GFRA2: variants seen among roughly 807,000 people sequenced by gnomAD.
GFRA2 encodes the protein GDNF family receptor alpha-2.
In GFRA2, 17 loss-of-function variants were observed where a neutral mutation model predicts 48.3. The ratio of observed to expected loss-of-function variants is 0.35; its 90% CI spans 0.24 to 0.53. The LOEUF (loss-of-function observed/expected upper bound fraction) is 0.53, where lower values mean the gene tolerates loss of function less well. GFRA2 is among the 20% of genes least tolerant of loss of function. GFRA2 has a pLI of 0.93. For synonymous variants in GFRA2, 305 were observed against 257.2 expected, an observed-to-expected ratio of 1.19 and a Z score of -1.78; for missense variants, 660 against 637.3, an observed-to-expected ratio of 1.04 and a Z score of -0.38.
At chr8:21,707,887 G>A (rs1320804045) in intron 4 of GFRA2, among the ~76,000 whole-genome samples, 1 of 152,186 alleles carries the variant, frequency 6.6e-6, no homozygotes, top group Non-Finnish European at 1.5e-5. Flanking sequence ...GGTTTAAAAG[G>A]TACTTTCATA....
Position 21,782,827 on chromosome 8 carries a change from A to C in GFRA2, c.113T>G (p.Val38Gly), listed in dbSNP as rs1807077367. Residue 38 changes from valine to glycine, a missense_variant, in exon 2 of 9, where the codon GTG becomes GGG. Transcript: ENST00000524240. ...CAGCTCATTGGCCCGGACACAGTCCACTGGGGGGCGCCAGCCGTGGAGCTC... is the reference window on the plus strand; with the variant it reads ...CAGCTCATTGGCCCGGACACAGTCCCCTGGGGGGCGCCAGCCGTGGAGCTC... ...GPELHGWRPP[V>G]DCVRANELCA... is the part of the protein sequence containing the mutation. The C allele has an allele frequency of 1.0e-5, 16 of 1,572,444 alleles. No individual in the cohort carries two copies. The highest frequency in any genetic ancestry group is 1.4e-5 in the Non-Finnish European group (16 of 1,165,550).
At chr8:21,697,797 G>A (rs1243043937) in intron 7 of GFRA2, among the ~76,000 whole-genome samples, 1 of 152,164 alleles carries the variant, frequency 6.6e-6, no homozygotes, top group African/African-American at 2.4e-5. Flanking sequence ...GTGGTAGTGA[G>A]TAAGTCCCAT....
At chr8:21,727,538 G>GC (rs970961413) in intron 4 of GFRA2, among the ~76,000 whole-genome samples, 33 of 151,956 alleles carry the variant, frequency 2.2e-4, no homozygotes, top group South Asian at 4.2e-4. Flanking sequence ...CCCCATCACG[G>GC]CCCCCCCCAG....
chr8:21,767,279 C>T (rs1474830487), intron 3 of GFRA2, among the ~76,000 whole-genome samples: 1 of 151,678 alleles, frequency 6.6e-6, no homozygotes, highest in Non-Finnish European at 1.5e-5. Flanking sequence ...TACACACACA[C>T]CACTGCCTAT....
intron 4 of GFRA2, among the ~76,000 whole-genome samples, chr8:21,724,398 C>T (rs868837263): frequency 6.6e-6 from 1 of 152,070 alleles, no homozygotes; most frequent in Non-Finnish European, 1.5e-5. Context: ...AATGGAGCAC[C>T]GTGAGTTCTG....
chr8:21,793,044 G>A (rs962424332), upstream of GFRA2, among the ~76,000 whole-genome samples: 3 of 152,152 alleles, frequency 2.0e-5, no homozygotes, highest in South Asian at 2.1e-4. Context: ...TCCAGCCTGC[G>A]CAACAGAGCG....
intron 4 of GFRA2, among the ~76,000 whole-genome samples, chr8:21,743,649 T>C (rs1804858800): frequency 6.6e-6 from 1 of 152,054 alleles, no homozygotes; most frequent in South Asian, 2.1e-4. Context: ...AATAAAGAAA[T>C]AGTCCCAGGA....
intron 3 of GFRA2, among the ~76,000 whole-genome samples, chr8:21,753,502 C>A (rs1019770656): frequency 6.6e-6 from 1 of 152,020 alleles, no homozygotes; most frequent in African/African-American, 2.4e-5. Flanking sequence ...CCCAGCTACA[C>A]GGGAGACTGA....
intron 7 of GFRA2, among the ~76,000 whole-genome samples, chr8:21,702,488 C>T (rs539211254): frequency 6.6e-6 from 1 of 152,322 alleles, no homozygotes; most frequent in East Asian, 1.9e-4. Context: ...CCCACTCAGA[C>T]GGGTGCCTCA....
chr8:21,780,721 T>G (rs1455919972), intron 2 of GFRA2: 1 of 152,306 alleles, frequency 6.6e-6, no homozygotes. Flanking sequence ...CTCCATCATC[T>G]GCTCAGCTGC....
At chr8:21,810,335 GAGGTC>G (rs1177844616) in intron 1 of GFRA2, among the ~76,000 whole-genome samples, 2 of 152,132 alleles carry the variant, frequency 1.3e-5, no homozygotes, top group African/African-American at 2.4e-5. Context: ...CAGCTTGGGG[GAGGTC>G]AGCCTCCTCC....
At chr8:21,716,183 C>T (rs968260814) in intron 4 of GFRA2, among the ~76,000 whole-genome samples, 1 of 151,954 alleles carries the variant, frequency 6.6e-6, no homozygotes, top group Non-Finnish European at 1.5e-5. Flanking sequence ...ATTAGCCAGG[C>T]ATGCTAGCAC....
At chr8:21,710,500 T>C (rs1802969485) in intron 4 of GFRA2, among the ~76,000 whole-genome samples, 3 of 152,040 alleles carry the variant, frequency 2.0e-5, no homozygotes, top group South Asian at 2.1e-4. Flanking sequence ...TGTTCTACCA[T>C]ACCCCAGCCT....
intron 3 of GFRA2, among the ~76,000 whole-genome samples, chr8:21,761,976 G>T (rs748410707): frequency 4.6e-5 from 7 of 152,004 alleles, no homozygotes; most frequent in Non-Finnish European, 1.0e-4. Context: ...ATTAAAAAAA[G>T]TGTCCCCTGG....
At chr8:21,705,517 G>A (rs1035103456) in intron 5 of GFRA2, among the ~76,000 whole-genome samples, 1 of 152,152 alleles carries the variant, frequency 6.6e-6, no homozygotes. Flanking sequence ...AGGTGAGACT[G>A]TGCAAGTCAC....
intron 4 of GFRA2, among the ~76,000 whole-genome samples, chr8:21,744,274 C>T (rs1804885594): frequency 1.3e-5 from 2 of 152,172 alleles, no homozygotes; most frequent in African/African-American, 4.8e-5. Flanking sequence ...CCTCTGCTTC[C>T]CAACAAGCCT....
Position 21,714,246 on chromosome 8 carries a change from C to CTT in GFRA2, c.795-8207_795-8206dup, listed in dbSNP as rs10674628. Among the ~76,000 whole-genome samples the CTT allele has an allele frequency of 3.0e-3, 232 of 78,374 alleles. 12 individuals are homozygous for CTT. The highest frequency in any genetic ancestry group is 5.1e-3 in the African/African-American group (98 of 19,292). 51.4% of individuals were successfully genotyped at this position (78,374 alleles called of 152,430 possible). A position where few individuals can be genotyped will look rare whatever the true frequency, so the allele number is the denominator to read the frequency against. ...GATCAATACATACTGGTCTGAAGTT[C>CTT]TTTTTTTTTTTTTTTTTTTTTTTGA... On this transcript the variant is annotated intron_variant, in intron 4 of 8. Coordinates refer to ENST00000524240, the MANE Select transcript of GFRA2 (RefSeq NM_001495.5).
intron 2 of GFRA2, among the ~76,000 whole-genome samples, chr8:21,776,994 C>T (rs1333581929): frequency 3.3e-5 from 5 of 152,150 alleles, no homozygotes; most frequent in Admixed American, 1.3e-4. Flanking sequence ...TGTTAGACTG[C>T]GTTTTCCAGG....
intron 7 of GFRA2, among the ~76,000 whole-genome samples, chr8:21,701,012 C>A (rs982744254): frequency 1.3e-5 from 2 of 152,198 alleles, no homozygotes; most frequent in African/African-American, 2.4e-5. Flanking sequence ...AGGGGAGGCA[C>A]CCATGCCAGC....
Sources: gnomAD v4.1 joint callset for allele counts (sites outside exome capture counted in the v4.1 genomes callset) on GRCh38, gnomAD v4.1.1 for gene constraint, MANE v1.5 for transcripts, NCBI Gene and HGNC (gene_info 2026-07-23, HGNC 2026-07-21) for gene names.